The following NDST3 variants were observed in gnomAD, a reference collection of about 807,000 sequenced individuals.
The protein encoded by NDST3 is N-deacetylase and N-sulfotransferase 3.
A neutral mutation model predicts 96.1 loss-of-function variants in NDST3; 58 were observed. The ratio of observed to expected loss-of-function variants is 0.60; its 90% CI spans 0.49 to 0.75. The LOEUF is 0.75. NDST3 is among the 30% of genes least tolerant of loss of function. The probability of loss-of-function intolerance (pLI) is 0.00; values close to 1 mark genes in which losing one functional copy is unlikely to be tolerated. For synonymous variants in NDST3, 333 were observed against 359.7 expected (o/e 0.93, Z 0.84); for missense variants, 788 against 1,034.2 (o/e 0.76, Z 3.27).
intron 6 of NDST3, among the ~76,000 whole-genome samples, chr4:118,158,057 C>T (rs558810885): frequency 3.9e-4 from 59 of 151,906 alleles, no homozygotes; most frequent in East Asian, 1.4e-3. Context: ...ACTGAGTTTT[C>T]GCCATAAAAC....
chr4:118,176,258 A>G (rs966202269), intron 6 of NDST3, among the ~76,000 whole-genome samples: 1 of 151,372 alleles, frequency 6.6e-6, no homozygotes, highest in African/African-American at 2.4e-5. Flanking sequence ...CTTAAAATTT[A>G]AAAAAAAACC....
intron 2 of NDST3, among the ~76,000 whole-genome samples, chr4:118,066,226 A>ATATTT: frequency 7.6e-5 from 5 of 66,082 alleles, no homozygotes; most frequent in Non-Finnish European, 1.1e-4. Context: ...ATAATATATT[A>ATATTT]TATATATTAT....
chr4:118,159,661 T>A (rs1217470449), intron 6 of NDST3, among the ~76,000 whole-genome samples: 1 of 152,060 alleles, frequency 6.6e-6, no homozygotes, highest in Non-Finnish European at 1.5e-5. Flanking sequence ...AGATGTTCAA[T>A]AAACTCAGGA....
intron 5 of NDST3, among the ~76,000 whole-genome samples, chr4:118,139,994 G>A (rs905085166): frequency 4.6e-5 from 7 of 152,078 alleles, no homozygotes; most frequent in Admixed American, 2.6e-4. Context: ...CTAAAATGCT[G>A]CCTTTATCCT....
rs888858169 is a variant in NDST3, at chr4:118,153,063, G to T, written c.1539+9379G>T. On this transcript the variant is annotated intron_variant, in intron 6 of 13. Coordinates refer to ENST00000296499, the MANE Select transcript of NDST3 (RefSeq NM_004784.3). ...TTCCAGCAAAGGCTTGCAAAGGCAG[G>T]TGCGATGGCAGCTATCTATCTTGAT... Among the ~76,000 whole-genome samples, 5 of 152,314 alleles carry T rather than the reference G, an allele frequency of 3.3e-5. No individual in the cohort carries two copies. In the East Asian group the frequency reaches 9.6e-4, roughly 29 times the overall value.
chr4:118,152,648 G>C (rs1338451561), intron 6 of NDST3, among the ~76,000 whole-genome samples: 1 of 152,064 alleles, frequency 6.6e-6, no homozygotes, highest in Non-Finnish European at 1.5e-5. Flanking sequence ...TATTAATCTT[G>C]CCTTAGTGCT....
At chr4:118,143,426 T>C (rs1053161656) in intron 5 of NDST3, 130 bp from the exon 6 acceptor site, 51 of 833,436 alleles carry the variant, frequency 6.1e-5, no homozygotes, top group Non-Finnish European at 8.4e-5. Context: ...TATGATAGAT[T>C]GTCCAGGCCC....
chr4:118,052,192 C>T (rs1450963970), intron 1 of NDST3, among the ~76,000 whole-genome samples: 3 of 152,018 alleles, frequency 2.0e-5, no homozygotes, highest in Non-Finnish European at 4.4e-5. Context: ...CCATGGAATA[C>T]TATGTGGCCA....
Position 118,240,514 on chromosome 4 carries a change from T to C in NDST3, c.2119-10T>C. ...TCAGATTAGTTTAATTATCCACCTT[T>C]TCATCATAGCATCAGCGATCACATG... On this transcript the variant is annotated splice_polypyrimidine_tract_variant and intron_variant, in intron 10 of 13. Coordinates refer to ENST00000296499, the MANE Select transcript of NDST3 (RefSeq NM_004784.3). 6.3e-7 allele frequency: 1 copy of C among 1,582,340 alleles called. No individual in the cohort carries two copies. Among genetic ancestry groups the C allele is most frequent in the Non-Finnish European group, 8.6e-7 (1 of 1,162,098 alleles).
chr4:118,170,068 AG>A (rs1735832315), intron 6 of NDST3, among the ~76,000 whole-genome samples: 2 of 152,184 alleles, frequency 1.3e-5, no homozygotes, highest in Non-Finnish European at 1.5e-5. Flanking sequence ...TGGATTCAGA[AG>A]TCACAGCATC....
chr4:118,145,923 A>C (rs2125909439), intron 6 of NDST3, among the ~76,000 whole-genome samples: 1 of 152,350 alleles, frequency 6.6e-6, no homozygotes, highest in African/African-American at 2.4e-5. Context: ...CTCACCTGGA[A>C]ACAAAAGGTT....
At chr4:118,148,868 A>G (rs1734158801) in intron 6 of NDST3, among the ~76,000 whole-genome samples, 1 of 152,314 alleles carries the variant, frequency 6.6e-6, no homozygotes, top group South Asian at 2.1e-4. Context: ...ATAACTTTAG[A>G]CCTAGAAAAG....
At chr4:118,218,719 G>C (rs1560724931) in intron 6 of NDST3, among the ~76,000 whole-genome samples, 1 of 152,034 alleles carries the variant, frequency 6.6e-6, no homozygotes, top group Non-Finnish European at 1.5e-5. Flanking sequence ...AAGAAATAAA[G>C]GGTATTCAGA....
chr4:118,149,343 G>A (rs2125913530), intron 6 of NDST3, among the ~76,000 whole-genome samples: 1 of 152,146 alleles, frequency 6.6e-6, no homozygotes, highest in African/African-American at 2.4e-5. Context: ...AATTACCTTG[G>A]GCAGTATGGC....
chr4:118,237,593 T>A (rs1286657788), intron 10 of NDST3, among the ~76,000 whole-genome samples: 1 of 152,176 alleles, frequency 6.6e-6, no homozygotes, highest in African/African-American at 2.4e-5. Context: ...AAGAGTCAGA[T>A]TGCAACAAGT....
chr4:118,112,465 T>C (rs996399127), intron 3 of NDST3, among the ~76,000 whole-genome samples: 5 of 152,164 alleles, frequency 3.3e-5, no homozygotes, highest in Admixed American at 6.5e-5. Context: ...CAGGAATGAA[T>C]TGATTTCTGG....
chr4:118,212,072 T>C (rs1362840378), intron 6 of NDST3, among the ~76,000 whole-genome samples: 1 of 152,196 alleles, frequency 6.6e-6, no homozygotes, highest in Non-Finnish European at 1.5e-5. Context: ...AGGGTTGGAA[T>C]AGCAGCGGGC....
intron 2 of NDST3, among the ~76,000 whole-genome samples, chr4:118,058,059 TA>T (rs1168776561): frequency 6.6e-6 from 1 of 152,006 alleles, no homozygotes; most frequent in Non-Finnish European, 1.5e-5. Flanking sequence ...TATAAATGTT[TA>T]AATCAATTAT....
At chr4:118,084,302 A>G (rs967308390) in intron 2 of NDST3, among the ~76,000 whole-genome samples, 1 of 152,156 alleles carries the variant, frequency 6.6e-6, no homozygotes, top group Admixed American at 6.5e-5. Flanking sequence ...TTTACTATCT[A>G]TATGTATCCC....
Sources: allele counts gnomAD v4.1 joint callset (sites outside exome capture counted in the v4.1 genomes callset), GRCh38; gene constraint gnomAD v4.1.1; transcripts MANE v1.5; gene names NCBI Gene and HGNC (gene_info 2026-07-23, HGNC 2026-07-21).